The following RBMS3 variants were observed in gnomAD, a reference collection of about 807,000 sequenced individuals.
RBMS3 encodes the protein RNA-binding motif, single-stranded-interacting protein 3.
RBMS3 carries 27 observed loss-of-function variants against 66.8 expected under a neutral mutation model. The observed-to-expected ratio is 0.40, with a 90% CI of 0.30 to 0.56. The LOEUF is 0.56. Among genes scored for constraint, RBMS3 ranks in the 20% least tolerant of loss-of-function variants. The pLI is 0.40. For missense variants in RBMS3, 513 were observed against 549.5 expected (o/e 0.93, Z 0.66); for synonymous variants, 188 against 183.0 (o/e 1.03, Z -0.22).
At chr3:29,834,413 TATAAA>T (rs2058451741) in intron 6 of RBMS3, among the ~76,000 whole-genome samples, 1 of 152,036 alleles carries the variant, frequency 6.6e-6, no homozygotes, top group South Asian at 2.1e-4. Context: ...AGATGAACAA[TATAAA>T]ATGATGTAAG....
intron 6 of RBMS3, among the ~76,000 whole-genome samples, chr3:29,764,726 G>A (rs1426243873): frequency 1.3e-5 from 2 of 151,980 alleles, no homozygotes; most frequent in Non-Finnish European, 2.9e-5. Flanking sequence ...ACATATTGCT[G>A]ACTAATACAA....
At chr3:29,861,453 A>G (rs543495076) in intron 6 of RBMS3, among the ~76,000 whole-genome samples, 56 of 152,336 alleles carry the variant, frequency 3.7e-4, no homozygotes, top group African/African-American at 1.3e-3. Flanking sequence ...ACAGTCCAAT[A>G]CAAACACTAG....
intron 3 of RBMS3, among the ~76,000 whole-genome samples, chr3:29,547,006 C>T (rs1011880717): frequency 1.3e-5 from 2 of 151,904 alleles, no homozygotes; most frequent in African/African-American, 4.8e-5. Context: ...AGACAGGGTC[C>T]CACTGGTCAC....
chr3:29,325,376 C>A (rs372206084), intron 1 of RBMS3, among the ~76,000 whole-genome samples: 1 of 151,776 alleles, frequency 6.6e-6, no homozygotes, highest in African/African-American at 2.4e-5. Flanking sequence ...ATCGTTATAC[C>A]GTTTTGTATT....
intron 2 of RBMS3, among the ~76,000 whole-genome samples, chr3:29,475,175 A>G (rs948005877): frequency 6.6e-6 from 1 of 152,168 alleles, no homozygotes; most frequent in African/African-American, 2.4e-5. Context: ...TTAAATACCA[A>G]AATTAAGAGG....
At chr3:29,399,414 A>C (rs1236866492) in intron 1 of RBMS3, among the ~76,000 whole-genome samples, 1 of 152,206 alleles carries the variant, frequency 6.6e-6, no homozygotes, top group Non-Finnish European at 1.5e-5. Context: ...ATTCTTGGCT[A>C]TAAGCAAGAG....
chr3:29,891,808 T>C lies in RBMS3; in HGVS notation c.792-5571T>C, dbSNP rs574551495. 2.8e-3 allele frequency among the ~76,000 whole-genome samples: 423 copies of C among 151,682 alleles called. 1 individual carries two copies. Among genetic ancestry groups the C allele is most frequent in the Non-Finnish European group, 3.6e-3 (243 of 67,688 alleles). On this transcript the variant is annotated intron_variant, in intron 8 of 14. Coordinates refer to ENST00000383767, the MANE Select transcript of RBMS3 (RefSeq NM_001003793.3). ...TTATTACACTAGGAAAGGAATCTAA[T>C]GTGAAGGATACGTTGGTATTACAAT...
intron 3 of RBMS3, among the ~76,000 whole-genome samples, chr3:29,578,734 G>A (rs937346639): frequency 6.6e-6 from 1 of 150,780 alleles, no homozygotes; most frequent in Non-Finnish European, 1.5e-5. Flanking sequence ...TTGGCGGAGG[G>A]AATATACAGA....
chr3:29,664,227 T>C (rs1034928356), intron 4 of RBMS3, among the ~76,000 whole-genome samples: 1 of 152,118 alleles, frequency 6.6e-6, no homozygotes, highest in African/African-American at 2.4e-5. Context: ...CGGCGACGCA[T>C]GCTTGTAATC....
chr3:29,629,928 ATTC>A (rs1335241122), intron 4 of RBMS3, among the ~76,000 whole-genome samples: 1 of 152,072 alleles, frequency 6.6e-6, no homozygotes, highest in Non-Finnish European at 1.5e-5. Context: ...ACTGATGTTA[ATTC>A]TGTATTAAAT....
chr3:29,739,458 GAAAAAA>G (rs56861996), intron 4 of RBMS3, among the ~76,000 whole-genome samples: 15 of 129,624 alleles, frequency 1.2e-4, no homozygotes, highest in Admixed American at 8.1e-5. Flanking sequence ...TCCGTCTCAA[GAAAAAA>G]AAAAAAAAAA....
At chr3:29,974,330 C>T (rs1189605818) in intron 12 of RBMS3, among the ~76,000 whole-genome samples, 1 of 151,894 alleles carries the variant, frequency 6.6e-6, no homozygotes, top group Admixed American at 6.6e-5. Context: ...TTACAAATCT[C>T]CCAATCTTTT....
At chr3:29,315,014 C>G (rs1332767656) in intron 1 of RBMS3, among the ~76,000 whole-genome samples, 1 of 151,694 alleles carries the variant, frequency 6.6e-6, no homozygotes. Flanking sequence ...AGTTTAGAGC[C>G]TGAAGCTTTT....
chr3:29,553,357 A>C (rs941240551), intron 3 of RBMS3, among the ~76,000 whole-genome samples: 1 of 152,182 alleles, frequency 6.6e-6, no homozygotes, highest in South Asian at 2.1e-4. Flanking sequence ...AAGAATCAGG[A>C]ACCAGCAGAA....
chr3:29,687,919 A>T (rs1010095387), intron 4 of RBMS3, among the ~76,000 whole-genome samples: 9 of 152,214 alleles, frequency 5.9e-5, no homozygotes, highest in African/African-American at 2.2e-4. Context: ...TACATTTATT[A>T]CAGTATGCCC....
chr3:29,733,895 T>G (rs1345225629), intron 4 of RBMS3, among the ~76,000 whole-genome samples: 3 of 152,284 alleles, frequency 2.0e-5, no homozygotes, highest in Middle Eastern at 3.4e-3. Flanking sequence ...CATTTAAGTC[T>G]TTAAGCCGTT....
chr3:29,521,983 G>A (rs995218629), intron 3 of RBMS3, among the ~76,000 whole-genome samples: 2 of 152,104 alleles, frequency 1.3e-5, no homozygotes, highest in Admixed American at 6.6e-5. Flanking sequence ...CAGTCAGTTT[G>A]GAATGTTCTT....
intron 5 of RBMS3, among the ~76,000 whole-genome samples, chr3:29,745,988 T>C (rs2054876872): frequency 6.6e-6 from 1 of 152,220 alleles, no homozygotes; most frequent in African/African-American, 2.4e-5. Context: ...TTGTGTTTTC[T>C]ACTAATAACT....
chr3:29,371,257 G>C (rs1196870790), intron 1 of RBMS3, among the ~76,000 whole-genome samples: 1 of 152,198 alleles, frequency 6.6e-6, no homozygotes, highest in Non-Finnish European at 1.5e-5. Flanking sequence ...AGGGATAGAG[G>C]AGAGGCAGGG....
Sources: gnomAD v4.1 joint callset for allele counts (sites outside exome capture counted in the v4.1 genomes callset) on GRCh38, gnomAD v4.1.1 for gene constraint, MANE v1.5 for transcripts, NCBI Gene and HGNC (gene_info 2026-07-23, HGNC 2026-07-21) for gene names.